The following CNKSR2 variants were observed in gnomAD, a reference collection of about 807,000 sequenced individuals.
CNKSR2 encodes CNK homolog protein 2.
In CNKSR2, 14 loss-of-function variants were observed where a neutral mutation model predicts 84.4. That is an observed-to-expected ratio of 0.17 (90% CI 0.11 to 0.26). CNKSR2 has a LOEUF of 0.26. CNKSR2 is among the 10% of genes least tolerant of loss of function. CNKSR2 has a pLI of 1.00. For synonymous variants in CNKSR2, 275 were observed against 277.9 expected, an observed-to-expected ratio of 0.99 and a Z score of 0.10; for missense variants, 485 against 771.2, an observed-to-expected ratio of 0.63 and a Z score of 4.40.
chrX:21,602,396 A>G (rs1237025337), intron 18 of CNKSR2, among the ~76,000 whole-genome samples: 1 of 111,594 alleles, frequency 9.0e-6, no homozygotes, highest in Non-Finnish European at 1.9e-5. Context: ...CCCGGGCTCA[A>G]GCGATTCACC....
intron 11 of CNKSR2, among the ~76,000 whole-genome samples, chrX:21,535,990 G>A (rs910459667): frequency 3.6e-5 from 4 of 111,357 alleles, no homozygotes; most frequent in Non-Finnish European, 5.7e-5. Flanking sequence ...TCAATATAAT[G>A]TTAGCTGTGG....
At chrX:21,446,655 T>C (rs1203064884) in intron 4 of CNKSR2, among the ~76,000 whole-genome samples, 1 of 111,634 alleles carries the variant, frequency 9.0e-6, no homozygotes, top group Non-Finnish European at 1.9e-5. Flanking sequence ...TTTATTCTTT[T>C]ATAAACCAAA....
intron 13 of CNKSR2, among the ~76,000 whole-genome samples, chrX:21,569,583 A>G (rs928110207): frequency 1.8e-5 from 2 of 111,803 alleles, no homozygotes; most frequent in African/African-American, 3.2e-5. Context: ...GTTAATCTTG[A>G]TATTTTGACC....
rs946556961 is a variant in CNKSR2, at chrX:21,558,005, T to C, written c.1304-3466T>C. Among the ~76,000 whole-genome samples, 8 of 111,700 alleles carry C rather than the reference T, an allele frequency of 7.2e-5. No individual in the cohort carries two copies. The Admixed American group carries it at 7.6e-4, about 11-fold the overall frequency. On this transcript the variant is annotated intron_variant, in intron 11 of 21. Coordinates refer to ENST00000379510, the MANE Select transcript of CNKSR2 (RefSeq NM_014927.5). ...ATAGCATATATTTGATTTAAGTCTA[T>C]AATGCTTATAGTACTCTTGCCTTTG... is the stretch of plus-strand genomic sequence containing the variant.
rs34829122 is a variant in CNKSR2 at position 21,599,339 on chromosome X, GGTGTGTGTGT to G, written c.1977-1907_1977-1898del. ...AAATTTCAGTGTTTTTTTTTGTTTTGGTGTGTGTGTGTGTGTGTGTGTGTGTGTGTGTGTG... is the reference window on the plus strand; with the variant it reads ...AAATTTCAGTGTTTTTTTTTGTTTTGGTGTGTGTGTGTGTGTGTGTGTGTG... On this transcript the variant is annotated intron_variant, in intron 17 of 21. Transcript: ENST00000379510. 4.2e-4 allele frequency among the ~76,000 whole-genome samples: 35 copies of G among 82,680 alleles called. No individual in the cohort carries two copies. The East Asian group carries it at 4.3e-3, about 10-fold the overall frequency. 71.8% of individuals were successfully genotyped at this position (82,680 alleles called of 115,157 possible).
chrX:21,514,346 G>A lies in CNKSR2; in HGVS notation c.811-2139G>A, dbSNP rs777901929. ...TTGTTTAAAACATTGTTAATGTCATGTGAATAATAAAAGGCTGATTTAAAA... is the reference window on the plus strand; with the variant it reads ...TTGTTTAAAACATTGTTAATGTCATATGAATAATAAAAGGCTGATTTAAAA... On this transcript the variant is annotated intron_variant, in intron 8 of 21. Transcript: ENST00000379510. Among the ~76,000 whole-genome samples the A allele has an allele frequency of 3.6e-5, 4 of 111,765 alleles. No individual in the cohort carries two copies. The South Asian group carries it at 1.5e-3, about 41-fold the overall frequency.
chrX:21,432,219 C>A (rs745771325), intron 2 of CNKSR2, among the ~76,000 whole-genome samples: 43 of 111,466 alleles, frequency 3.9e-4, no homozygotes, highest in African/African-American at 1.3e-3. Flanking sequence ...TACCTACATT[C>A]CTGACCATGT....
chrX:21,457,540 T>C (rs1308132814), intron 4 of CNKSR2, among the ~76,000 whole-genome samples: 2 of 111,936 alleles, frequency 1.8e-5, no homozygotes, highest in Non-Finnish European at 3.8e-5. Context: ...GCATTGATAT[T>C]TTTTGTTAAA....
intron 10 of CNKSR2, 119 bp downstream of exon 10, chrX:21,527,119 T>A: frequency 3.5e-6 from 2 of 578,376 alleles, no homozygotes; most frequent in Non-Finnish European, 5.3e-6. Flanking sequence ...TTAGGAATTC[T>A]GAACACATTC....
rs1313462007 is a variant in CNKSR2, at chrX:21,530,780, CAT to C, written c.1092-1075_1092-1074del. On this transcript the variant is annotated intron_variant, in intron 10 of 21. Coordinates refer to ENST00000379510, the MANE Select transcript of CNKSR2 (RefSeq NM_014927.5). Reference sequence around the variant, plus strand: ...AAAAGTTCATAGGTAAGCAGTGAAACATGTCATAAAATAAACAAGATTCAATT... The same window carrying C: ...AAAAGTTCATAGGTAAGCAGTGAAACGTCATAAAATAAACAAGATTCAATT... 1.9e-4 allele frequency among the ~76,000 whole-genome samples: 21 copies of C among 110,803 alleles called. 1 individual carries two copies. Among genetic ancestry groups the C allele is most frequent in the Admixed American group, 1.8e-3 (19 of 10,423 alleles).
At chrX:21,377,703 GAAAA>G (rs1042668575) in intron 1 of CNKSR2, among the ~76,000 whole-genome samples, 1 of 111,170 alleles carries the variant, frequency 9.0e-6, no homozygotes, top group Non-Finnish European at 1.9e-5. Context: ...TCACTAAACA[GAAAA>G]AGAATCGCTA....
At chrX:21,648,540 CAA>C (rs987466296) in intron 20 of CNKSR2, among the ~76,000 whole-genome samples, 1 of 110,777 alleles carries the variant, frequency 9.0e-6, no homozygotes, top group Non-Finnish European at 1.9e-5. Flanking sequence ...AATTTGCTAT[CAA>C]GAGTATATTT....
At chrX:21,418,331 A>G (rs909526023) in intron 1 of CNKSR2, among the ~76,000 whole-genome samples, 4 of 111,425 alleles carry the variant, frequency 3.6e-5, no homozygotes, top group Admixed American at 9.5e-5. Context: ...ACACGCCACA[A>G]TTACAGTGTT....
chrX:21,641,470 G>A, intron 20 of CNKSR2: 1 of 1,138,547 alleles, frequency 8.8e-7, no homozygotes, highest in Non-Finnish European at 1.2e-6. Flanking sequence ...ATACTAATAT[G>A]CTTTGGAAAT....
At chrX:21,472,089 A>G (rs925539608) in intron 5 of CNKSR2, among the ~76,000 whole-genome samples, 4 of 111,641 alleles carry the variant, frequency 3.6e-5, no homozygotes, top group African/African-American at 9.8e-5. Context: ...TACCAATTCT[A>G]GCTCCCTGAG....
At chrX:21,571,333 A>G (rs2092282579) in intron 13 of CNKSR2, among the ~76,000 whole-genome samples, 1 of 112,256 alleles carries the variant, frequency 8.9e-6, no homozygotes, top group Admixed American at 9.4e-5. Context: ...TGGTACCAAT[A>G]GACTCATTCA....
chrX:21,570,338 C>T (rs1265827279), intron 13 of CNKSR2, among the ~76,000 whole-genome samples: 1 of 112,788 alleles, frequency 8.9e-6, no homozygotes, highest in Non-Finnish European at 1.9e-5. Context: ...GAGATGCCTT[C>T]TTTCCTTAAA....
chrX:21,470,721 A>G lies in CNKSR2; in HGVS notation c.520-45A>G, dbSNP rs755419441. 6 of 639,619 alleles carry G rather than the reference A, an allele frequency of 9.4e-6. No homozygotes were observed. In the East Asian group the frequency reaches 1.5e-4, roughly 16 times the overall value. The allele number at this position is 639,619 out of a possible 1,213,427, so 52.7% of individuals were successfully genotyped here. On this transcript the variant is annotated intron_variant, in intron 4 of 21. Coordinates refer to ENST00000379510, the MANE Select transcript of CNKSR2 (RefSeq NM_014927.5). ...TTTCTAAGAAAATATTTTTAAAAGA[A>G]TGCTTGATATTTTGAATCTAATGTA... is the stretch of plus-strand genomic sequence containing the variant.
chrX:21,599,705 A>G (rs927579527), intron 17 of CNKSR2, among the ~76,000 whole-genome samples: 7 of 111,427 alleles, frequency 6.3e-5, no homozygotes, highest in Non-Finnish European at 1.1e-4. Context: ...AAGGCACTGG[A>G]TTAAAATTCA....
Sources: allele counts gnomAD v4.1 joint callset (sites outside exome capture counted in the v4.1 genomes callset), GRCh38; gene constraint gnomAD v4.1.1; transcripts MANE v1.5; gene names NCBI Gene and HGNC (gene_info 2026-07-23, HGNC 2026-07-21).